PPL: variants seen among roughly 807,000 people sequenced by gnomAD.
The protein encoded by PPL is periplakin, also known as 190 kDa paraneoplastic pemphigus antigen.
PPL carries 198 observed loss-of-function variants against 194.4 expected under a neutral mutation model. The observed-to-expected ratio is 1.02, with a 90% CI of 0.91 to 1.15. The LOEUF is 1.15. Among genes scored for constraint, PPL ranks in the 50% most tolerant of loss-of-function variants. The probability of loss-of-function intolerance (pLI) is 0.00; values close to 1 mark genes in which losing one functional copy is unlikely to be tolerated. For missense variants in PPL, 2,885 were observed against 2,294.8 expected (o/e 1.26, Z -5.25); for synonymous variants, 1,220 against 972.4 (o/e 1.25, Z -4.74).
Position 4,894,616 on chromosome 16 carries a change from G to T in PPL, c.1245C>A (p.Gly415=), listed in dbSNP as rs141546615. The stretch of plus-strand genomic sequence containing the variant: ...TGTAGCTGTAGCCCCGCGAGATCAG[G>T]CCCTGGCGGGGGCAGGCTGGACAGT... ...EALCDFEGEQ[G]LISRGYSYTL... is the part of the protein sequence containing the mutation. The change falls in exon 12 of 22, where the codon GGC becomes GGA. Residue 415 remains glycine, a splice_region_variant and synonymous_variant. Coordinates refer to ENST00000345988, the MANE Select transcript of PPL (RefSeq NM_002705.5). The T allele has an allele frequency of 1.2e-6, 2 of 1,612,484 alleles. No homozygotes were observed. Among genetic ancestry groups the T allele is most frequent in the Non-Finnish European group, 8.5e-7 (1 of 1,179,790 alleles).
chr16:4,889,319 A>G (rs533936133), intron 18 of PPL, among the ~76,000 whole-genome samples: 4 of 126,258 alleles, frequency 3.2e-5, no homozygotes, highest in Middle Eastern at 0.011. Flanking sequence ...CAGTGGCGCG[A>G]TCTCAGCTCA....
chr16:4,918,244 G>A (rs1412933391), intron 1 of PPL, among the ~76,000 whole-genome samples: 2 of 149,424 alleles, frequency 1.3e-5, no homozygotes, highest in South Asian at 2.1e-4. Context: ...AGTGAGCCGA[G>A]ATTGCACCAC....
At chr16:4,933,529 T>C (rs2972277) in intron 1 of PPL, among the ~76,000 whole-genome samples, 133,316 of 152,190 alleles carry the variant, frequency 0.88, 58,673 homozygotes, top group Middle Eastern at 0.94. Context: ...GCCTCCTCTG[T>C]GAAGTCCTCC....
Position 4,885,883 on chromosome 16 carries a change from C to G in PPL, c.2772G>C (p.Arg924Ser), listed in dbSNP as rs781378880. 3 of 1,609,784 alleles carry G rather than the reference C, an allele frequency of 1.9e-6. No homozygotes were observed. Among genetic ancestry groups the G allele is most frequent in the Non-Finnish European group, 1.7e-6 (2 of 1,180,014 alleles). ...KSTQEEIWTL[R>S]NQGPQESVVR... ...CCACCGATTCCTGAGGCCCCTGATT[C>G]CTCAAGGTCCAGATTTCTTCCTGGG... is the stretch of plus-strand genomic sequence containing the variant. The change falls in exon 22 of 22, where the codon AGG becomes AGC. Residue 924 changes from arginine (R) to serine (S), a missense_variant. Transcript: ENST00000345988. The surrounding 1 kb of genome is among the most constrained non-coding windows in gnomAD (Gnocchi z 6.3).
intron 1 of PPL, among the ~76,000 whole-genome samples, chr16:4,918,756 C>G (rs1197398714): frequency 6.6e-6 from 1 of 152,208 alleles, no homozygotes; most frequent in Non-Finnish European, 1.5e-5. Flanking sequence ...GTGTTCCCCC[C>G]ACCATCCAGC....
At position 4,890,746 on chromosome 16, in the gene PPL, C is replaced by T. The variant is rs759912883; in HGVS notation, c.2144G>A (p.Arg715His). 2.1e-5 allele frequency: 34 copies of T among 1,607,732 alleles called. No individual in the cohort carries two copies. Among genetic ancestry groups the T allele is most frequent in the African/African-American group, 1.3e-4 (10 of 74,760 alleles). Residue 715 changes from arginine (R) to histidine (H), a missense_variant, in exon 17 of 22, where the codon CGC becomes CAC. Coordinates refer to ENST00000345988, the MANE Select transcript of PPL (RefSeq NM_002705.5). ...HKLGQRFNNL[R>H]QQVERRAQSL... Reference sequence around the variant, plus strand: ...CCCTCACCTGCGTTCCACCTGCTGGCGCAGGTTGTTGAAACGCTGGCCCAG... The same window carrying T: ...CCCTCACCTGCGTTCCACCTGCTGGTGCAGGTTGTTGAAACGCTGGCCCAG...
intron 5 of PPL, 46 bp from the exon 6 acceptor site, chr16:4,900,917 C>T (rs924836329): frequency 5.0e-6 from 8 of 1,614,010 alleles, no homozygotes; most frequent in Non-Finnish European, 6.8e-6. Flanking sequence ...GAAGCAGGCG[C>T]GGCCCCCTCC....
intron 12 of PPL, 30 bp from the exon 13 acceptor site, chr16:4,893,668 G>T: frequency 1.3e-6 from 2 of 1,540,580 alleles, no homozygotes; most frequent in South Asian, 1.2e-5. Context: ...CTGGGAACCT[G>T]GGCAGCCCAC....
Position 4,884,210 on chromosome 16 carries a change from G to T in PPL, c.4445C>A (p.Thr1482Asn). 2 of 1,613,780 alleles carry T rather than the reference G, an allele frequency of 1.2e-6. No homozygotes were observed. Among genetic ancestry groups the T allele is most frequent in the African/African-American group, 1.3e-5 (1 of 75,016 alleles). The change falls in exon 22 of 22, where the codon ACC becomes AAC. Residue 1482 changes from threonine (T) to asparagine (N), a missense_variant. Coordinates refer to ENST00000345988, the MANE Select transcript of PPL (RefSeq NM_002705.5). This position sits in a 1 kb window ranked among gnomAD's most constrained non-coding sequence, Gnocchi z 5.7. Reference sequence around the variant, plus strand: ...CAGTGCAGCCAGTTTCCTCCGGAGGGTCTCGAGCTCCCCCTCCAGGAGCTG... The same window carrying T: ...CAGTGCAGCCAGTTTCCTCCGGAGGTTCTCGAGCTCCCCCTCCAGGAGCTG... ...RRQLLEGELETLRRKLAALEK... is the reference protein window; with the variant it reads ...RRQLLEGELENLRRKLAALEK...
In PPL at chr16:4,886,992, G is replaced by T. The variant is rs998218543; in HGVS notation, c.2607+143C>A. 37 of 703,942 alleles carry T rather than the reference G, an allele frequency of 5.3e-5. No individual in the cohort carries two copies. The East Asian group carries it at 7.6e-4, about 14-fold the overall frequency. The allele number at this position is 703,942 out of a possible 1,614,324, so 43.6% of individuals were successfully genotyped here. On this transcript the variant is annotated intron_variant, in intron 21 of 21. Transcript: ENST00000345988. ...TCATGTCAGTAGAAGCATTGGCTCG[G>T]GCCAGTCTTTGCATTGGCCCTGCCC...
intron 21 of PPL, among the ~76,000 whole-genome samples, chr16:4,886,578 T>A (rs1466520284): frequency 6.6e-6 from 1 of 152,230 alleles, no homozygotes; most frequent in Non-Finnish European, 1.5e-5. Context: ...AATGCTGTCA[T>A]CAACATCATG....
intron 6 of PPL, 78 bp from the exon 7 acceptor site, chr16:4,899,462 G>GGCCCAGCTATGGCTGGCCTGAGGACAA (rs1342379805): frequency 1.1e-3 from 797 of 706,560 alleles, no homozygotes; most frequent in Non-Finnish European, 9.7e-4. Flanking sequence ...CCTCCTGCAG[G>GGCCCAGCTATGGCTGGCCTGAGGACAA]GCCCAGCTAT....
intron 1 of PPL, among the ~76,000 whole-genome samples, chr16:4,929,038 A>G (rs1209115059): frequency 6.7e-6 from 1 of 149,424 alleles, no homozygotes; most frequent in Non-Finnish European, 1.5e-5. Flanking sequence ...AAAAAAAAAA[A>G]AAAAAGATCT....
intron 1 of PPL, among the ~76,000 whole-genome samples, chr16:4,913,706 T>G (rs2088863315): frequency 6.6e-6 from 1 of 152,216 alleles, no homozygotes; most frequent in South Asian, 2.1e-4. Flanking sequence ...CCCAGCCTCC[T>G]TCTGTTGTTT....
At chr16:4,928,257 T>C (rs186819006) in intron 1 of PPL, among the ~76,000 whole-genome samples, 74 of 152,358 alleles carry the variant, frequency 4.9e-4, no homozygotes, top group African/African-American at 1.7e-3. Flanking sequence ...AAATATATTT[T>C]GTATTTTTAG....
At position 4,899,263 on chromosome 16, in the gene PPL, T is replaced by A. The variant is rs1407655661; in HGVS notation, c.728A>T (p.Asp243Val). Residue 243 changes from aspartate (D) to valine (V), a missense_variant, in exon 7 of 22, where the codon GAC becomes GTC. Asp to Val is a radical substitution (Grantham distance 152). Coordinates refer to ENST00000345988, the MANE Select transcript of PPL (RefSeq NM_002705.5). ...GCGGCTGGGGTAGTCGAGGTTGCGG[T>A]CACTCCAGTCGTACTGCATGCGGCC... ...AKGRMQYDWS[D>V]RNLDYPSRRR... 1 of 1,613,708 alleles carries A rather than the reference T, an allele frequency of 6.2e-7. No homozygotes were observed. The highest frequency in any genetic ancestry group is 8.5e-7 in the Non-Finnish European group (1 of 1,179,966).
chr16:4,891,032 A>G, intron 16 of PPL, 111 bp from the exon 17 acceptor site: 1 of 928,174 alleles, frequency 1.1e-6, no homozygotes, highest in Non-Finnish European at 1.6e-6. Context: ...GGGCAAGGCC[A>G]CAGGTAGGAA....
At position 4,887,150 on chromosome 16, in the gene PPL, C is replaced by T; in HGVS notation, c.2592G>A (p.Leu864=). The T allele has an allele frequency of 6.2e-7, 1 of 1,613,640 alleles. No individual in the cohort carries two copies. The highest frequency in any genetic ancestry group is 8.5e-7 in the Non-Finnish European group (1 of 1,179,562). Residue 864 remains leucine, a synonymous_variant, in exon 21 of 22, where the codon CTG becomes CTA. Transcript: ENST00000345988. The part of the protein sequence containing the change: ...RQRLQNLEFA[L]NLLRQQPEVE... ...GATCAGTTACCTGTCTGAGGAGATT[C>T]AGAGCAAACTCCAGATTCTGCAGCC...
chr16:4,890,254 C>T lies in PPL; in HGVS notation c.2243G>A (p.Ser748Asn). 1 of 1,614,202 alleles carries T rather than the reference C, an allele frequency of 6.2e-7. No individual in the cohort carries two copies. Among genetic ancestry groups the T allele is most frequent in the Non-Finnish European group, 8.5e-7 (1 of 1,180,042 alleles). ...GHDHVLQFLV[S>N]IPSYEPQETD... The stretch of plus-strand genomic sequence containing the variant: ...CTCCTGGGGCTCGTAACTGGGGATG[C>T]TGACTAGGAACTGCAGCACGTGGTC... Residue 748 changes from serine to asparagine, a missense_variant, in exon 18 of 22, where the codon AGC becomes AAC. By Grantham distance (46) the Ser-to-Asn change is conservative (BLOSUM62 1). Transcript: ENST00000345988.
Sources: allele counts gnomAD v4.1 joint callset (sites outside exome capture counted in the v4.1 genomes callset), GRCh38; gene constraint gnomAD v4.1.1; non-coding constraint Gnocchi (gnomAD v3.1); transcripts MANE v1.5; gene names NCBI Gene and HGNC (gene_info 2026-07-23, HGNC 2026-07-21).